Variants in RALGPS1 observed in about 807,000 individuals in gnomAD.
RALGPS1 encodes Ral GEF with PH domain and SH3 binding motif 1.
Under a neutral mutation model 78.8 loss-of-function variants are expected in RALGPS1, and 19 were observed. That is an observed-to-expected ratio of 0.24 (90% CI 0.17 to 0.35). The LOEUF (loss-of-function observed/expected upper bound fraction) is 0.35. RALGPS1 is among the 10% of genes least tolerant of loss of function. The pLI is 1.00. For missense variants in RALGPS1, 454 were observed against 688.3 expected, an observed-to-expected ratio of 0.66 and a Z score of 3.81; for synonymous variants, 228 against 256.3, an observed-to-expected ratio of 0.89 and a Z score of 1.06.
intron 1 of RALGPS1, among the ~76,000 whole-genome samples, chr9:126,959,605 T>A (rs1407568539): frequency 1.3e-5 from 2 of 152,094 alleles, no homozygotes; most frequent in Non-Finnish European, 2.9e-5. Context: ...TTTTTTTTTT[T>A]TTCTTTTAAC....
intron 1 of RALGPS1, among the ~76,000 whole-genome samples, chr9:126,943,746 T>C (rs972929528): frequency 3.9e-5 from 6 of 152,160 alleles, no homozygotes; most frequent in African/African-American, 1.4e-4. Context: ...CACTGCCCCT[T>C]TTCCAACCAG....
At chr9:127,140,925 A>G (rs1010754680) in intron 8 of RALGPS1, among the ~76,000 whole-genome samples, 1 of 152,204 alleles carries the variant, frequency 6.6e-6, no homozygotes, top group Non-Finnish European at 1.5e-5. Flanking sequence ...ATAAGGGGGC[A>G]GGGGCAGGCA....
At chr9:127,102,488 A>G (rs1035641747) in intron 8 of RALGPS1, among the ~76,000 whole-genome samples, 30 of 152,308 alleles carry the variant, frequency 2.0e-4, no homozygotes, top group Middle Eastern at 3.4e-3. Flanking sequence ...GCCAAGTACC[A>G]ATCTTGGGAT....
chr9:126,921,952 C>A (rs992462564), intron 1 of RALGPS1, among the ~76,000 whole-genome samples: 2 of 152,196 alleles, frequency 1.3e-5, no homozygotes, highest in Non-Finnish European at 2.9e-5. Context: ...AGTTACTGCA[C>A]AAGCAATGTG....
chr9:127,055,261 C>T (rs371050802), intron 7 of RALGPS1, among the ~76,000 whole-genome samples: 1 of 151,296 alleles, frequency 6.6e-6, no homozygotes, highest in Admixed American at 6.6e-5. Context: ...ACTCTGTCAC[C>T]CAGCTGGAGT....
chr9:127,158,903 C>T (rs1222605782), intron 8 of RALGPS1, among the ~76,000 whole-genome samples: 1 of 150,778 alleles, frequency 6.6e-6, no homozygotes, highest in Non-Finnish European at 1.5e-5. Context: ...TTGTTTTTAC[C>T]CATGGGACAG....
Position 127,176,384 on chromosome 9 carries a change from G to T in RALGPS1, c.910+1602G>T, listed in dbSNP as rs542672930. ...GGTCAGCATTGCTCCTTTTAGGTGC[G>T]CAGTCACCTACAACTGACCTGTGGG... On this transcript the variant is annotated intron_variant, in intron 11 of 18. Transcript: ENST00000259351. Among the ~76,000 whole-genome samples the T allele has an allele frequency of 2.0e-5, 3 of 152,212 alleles. No individual in the cohort carries two copies. The South Asian group carries it at 6.2e-4, about 32-fold the overall frequency.
chr9:127,061,608 C>T (rs538156425), intron 7 of RALGPS1, among the ~76,000 whole-genome samples: 60 of 152,216 alleles, frequency 3.9e-4, no homozygotes, highest in Admixed American at 1.8e-3. Context: ...ATGCCCACCT[C>T]CAGGCCCGTG....
chr9:127,196,544 C>A lies in RALGPS1; in HGVS notation c.1108C>A (p.Leu370Met). 1 of 1,614,238 alleles carries A rather than the reference C, an allele frequency of 6.2e-7. No individual in the cohort carries two copies. The highest frequency in any genetic ancestry group is 8.5e-7 in the Non-Finnish European group (1 of 1,180,014). ...TFPSEKARHL[L>M]DDSVLESRSP... ...CCCATCGGAGAAAGCAAGGCACCTACTGGACGACAGTGTCCTAGAGTCCCG... is the reference window on the plus strand; with the variant it reads ...CCCATCGGAGAAAGCAAGGCACCTAATGGACGACAGTGTCCTAGAGTCCCG... The change falls in exon 13 of 19, where the codon CTG becomes ATG. Residue 370 changes from leucine to methionine, a missense_variant. By Grantham distance (15) the Leu-to-Met change is conservative. Transcript: ENST00000259351.
At chr9:127,169,303 C>A (rs368942532) in intron 10 of RALGPS1, among the ~76,000 whole-genome samples, 3 of 152,202 alleles carry the variant, frequency 2.0e-5, no homozygotes, top group Non-Finnish European at 4.4e-5. Flanking sequence ...CCTCCTTCCC[C>A]GTAGAGCCCC....
intron 4 of RALGPS1, among the ~76,000 whole-genome samples, chr9:127,027,627 G>T (rs912392041): frequency 6.6e-6 from 1 of 152,222 alleles, no homozygotes; most frequent in Non-Finnish European, 1.5e-5. Context: ...ACCAGTGGAT[G>T]AGGCTTCCCT....
intron 4 of RALGPS1, among the ~76,000 whole-genome samples, chr9:127,031,648 G>A (rs2046440864): frequency 1.3e-5 from 2 of 152,228 alleles, no homozygotes; most frequent in African/African-American, 4.8e-5. Context: ...TTTGTCTGGT[G>A]TTTCCCAGGA....
At chr9:127,174,333 A>T (rs1489730814) in intron 10 of RALGPS1, among the ~76,000 whole-genome samples, 1 of 152,150 alleles carries the variant, frequency 6.6e-6, no homozygotes, top group East Asian at 1.9e-4. Context: ...GAAAAGAAAG[A>T]AAAAACTAAC....
At chr9:127,098,065 C>A (rs919093129) in intron 8 of RALGPS1, among the ~76,000 whole-genome samples, 2 of 152,178 alleles carry the variant, frequency 1.3e-5, no homozygotes, top group East Asian at 1.9e-4. Flanking sequence ...TGTTCACCCC[C>A]CCAACTAATT....
At chr9:127,035,575 G>C (rs762198472) in intron 5 of RALGPS1, among the ~76,000 whole-genome samples, 1 of 152,044 alleles carries the variant, frequency 6.6e-6, no homozygotes, top group Non-Finnish European at 1.5e-5. Context: ...ATTCCCTTTG[G>C]GCCCTCTCTC....
chr9:127,196,090 T>C (rs2061335652), intron 12 of RALGPS1, among the ~76,000 whole-genome samples: 1 of 152,140 alleles, frequency 6.6e-6, no homozygotes, highest in South Asian at 2.1e-4. Flanking sequence ...GTTGCAATGG[T>C]GGAAAAACAT....
At chr9:127,089,853 G>A (rs1381567497) in intron 8 of RALGPS1, among the ~76,000 whole-genome samples, 4 of 152,210 alleles carry the variant, frequency 2.6e-5, no homozygotes, top group African/African-American at 9.7e-5. Context: ...GAGGACAGGG[G>A]GCCACTATCT....
intron 7 of RALGPS1, among the ~76,000 whole-genome samples, chr9:127,058,186 G>A (rs1417586229): frequency 6.6e-6 from 1 of 152,222 alleles, no homozygotes; most frequent in Non-Finnish European, 1.5e-5. Context: ...TGTGGCCAGA[G>A]CTCAGCGTGC....
intron 4 of RALGPS1, among the ~76,000 whole-genome samples, chr9:126,987,130 G>A (rs1437713636): frequency 6.6e-6 from 1 of 152,138 alleles, no homozygotes; most frequent in Non-Finnish European, 1.5e-5. Context: ...GTAGCAGAGT[G>A]TTTAAGAGCA....
Sources: allele counts gnomAD v4.1 joint callset (sites outside exome capture counted in the v4.1 genomes callset), GRCh38; gene constraint gnomAD v4.1.1; transcripts MANE v1.5; gene names NCBI Gene and HGNC (gene_info 2026-07-23, HGNC 2026-07-21).